Variants in ZMYM6 observed in about 807,000 individuals in gnomAD.
ZMYM6 encodes the protein zinc finger MYM-type containing 6, also known as zinc finger MYM-type protein 6.
Under a neutral mutation model 134.0 loss-of-function variants are expected in ZMYM6, and 90 were observed. The ratio of observed to expected loss-of-function variants is 0.67; its 90% CI spans 0.57 to 0.80. The LOEUF is 0.80. Among genes scored for constraint, ZMYM6 ranks in the 30% least tolerant of loss-of-function variants. ZMYM6 has a pLI of 0.00. For missense variants in ZMYM6, 1,362 were observed against 1,533.9 expected (o/e 0.89, Z 1.87); for synonymous variants, 481 against 524.1 (o/e 0.92, Z 1.12).
chr1:34,992,268 G>C lies in ZMYM6; in HGVS notation c.2112C>G (p.Cys704Trp), dbSNP rs760737166. 6.2e-7 allele frequency: 1 copy of C among 1,614,078 alleles called. No individual in the cohort carries two copies. Among genetic ancestry groups the C allele is most frequent in the South Asian group, 1.1e-5 (1 of 91,076 alleles). The change falls in exon 15 of 16, where the codon TGC becomes TGG. Residue 704 changes from cysteine (C) to tryptophan (W), a missense_variant. Cys to Trp is a radical substitution (Grantham distance 215). Coordinates refer to ENST00000357182, the MANE Select transcript of ZMYM6 (RefSeq NM_007167.4). ...KPVTQTKATS[C>W]KPHTQHKECQ... ...ATTCTTTGTGCTGTGTATGTGGTTT[G>C]CAAGAAGTGGCCTTGGTCTGTGTGA... is the stretch of plus-strand genomic sequence containing the variant.
chr1:35,006,637 A>G (rs1276475600), intron 12 of ZMYM6, among the ~76,000 whole-genome samples: 3 of 152,196 alleles, frequency 2.0e-5, no homozygotes, highest in Admixed American at 1.3e-4. Flanking sequence ...TATTAACTAA[A>G]TAGTATATAT....
At chr1:35,026,842 G>A (rs1641423143) in intron 2 of ZMYM6, among the ~76,000 whole-genome samples, 1 of 152,090 alleles carries the variant, frequency 6.6e-6, no homozygotes, top group Admixed American at 6.5e-5. Flanking sequence ...TCCTGTGCTA[G>A]GAATTGGAGA....
intron 2 of ZMYM6, among the ~76,000 whole-genome samples, chr1:35,024,698 C>T (rs1056255164): frequency 5.3e-5 from 8 of 152,078 alleles, no homozygotes; most frequent in Non-Finnish European, 1.0e-4. Context: ...CATGACGTGG[C>T]TATTTTCTCT....
rs1050448568 is a variant in ZMYM6 at position 34,987,940 on chromosome 1, G to A, written c.3142C>T (p.Arg1048Cys). The A allele has an allele frequency of 2.3e-5, 35 of 1,551,488 alleles. No individual in the cohort carries two copies. The highest frequency in any genetic ancestry group is 3.0e-5 in the Non-Finnish European group (34 of 1,146,978). Residue 1048 changes from arginine (R) to cysteine (C), a missense_variant, in exon 16 of 16, where the codon CGT (arginine) becomes TGT (cysteine). Physicochemically the swap from Arg to Cys is radical, Grantham distance 180 (BLOSUM62 -3). Transcript: ENST00000357182. The part of the protein sequence containing the change: ...SFIKSNALNS[R>C]MLTILCEEMG... Reference sequence around the variant, plus strand: ...TCTTCACACAAAATTGTTAACATACGTGAATTTAATGCATTGCTCTTTATA... The same window carrying A: ...TCTTCACACAAAATTGTTAACATACATGAATTTAATGCATTGCTCTTTATA...
At chr1:34,998,344 T>C (rs564034356) in intron 14 of ZMYM6, among the ~76,000 whole-genome samples, 1 of 152,212 alleles carries the variant, frequency 6.6e-6, no homozygotes, top group Non-Finnish European at 1.5e-5. Context: ...CGTGCACCAG[T>C]ACCAATTGTT....
At chr1:35,017,494 T>C (rs1326758377) in intron 4 of ZMYM6, 1 of 150,810 alleles carries the variant, frequency 6.6e-6, no homozygotes, top group East Asian at 1.9e-4. Flanking sequence ...AATGAAAATC[T>C]GTGCACATAA....
In ZMYM6 at chr1:34,988,929, G is replaced by C; in HGVS notation, c.2153C>G (p.Pro718Arg). The change falls in exon 16 of 16, where the codon CCT becomes CGT. Residue 718 changes from proline to arginine, a missense_variant. Physicochemically the swap from Pro to Arg is moderately radical, Grantham distance 103. This residue lies in a region of ZMYM6 where 824 missense variants were observed against 940.9 expected (regional missense o/e 0.88). Transcript: ENST00000357182. Reference sequence around the variant, plus strand: ...TGCATCATTTTTTTCATTAGGCATAGGTAAATCTGAATGAAATATTTGAAT... The same window carrying C: ...TGCATCATTTTTTTCATTAGGCATACGTAAATCTGAATGAAATATTTGAAT... The part of the protein sequence containing the change: ...TQHKECQTDL[P>R]MPNEKNDAEL... 1 of 1,606,072 alleles carries C rather than the reference G, an allele frequency of 6.2e-7. No individual in the cohort carries two copies. The highest frequency in any genetic ancestry group is 1.1e-5 in the South Asian group (1 of 88,586).
At chr1:35,005,104 A>G in intron 13 of ZMYM6, 28 bp downstream of exon 13, 1 of 1,612,922 alleles carries the variant, frequency 6.2e-7, no homozygotes. Flanking sequence ...TCTATGGCTT[A>G]GCCAAATGCC....
At chr1:35,009,050 G>A (rs947395437) in intron 10 of ZMYM6, 126 bp from the exon 11 acceptor site, 1 of 971,368 alleles carries the variant, frequency 1.0e-6, no homozygotes, top group Non-Finnish European at 1.5e-6. Flanking sequence ...TTTGCCTCTA[G>A]ATTACAGGAC....
chr1:35,009,223 T>C (rs7550024), intron 10 of ZMYM6, among the ~76,000 whole-genome samples: 32,777 of 152,114 alleles, frequency 0.22, 8,408 homozygotes, highest in African/African-American at 0.61. Flanking sequence ...CTCAGCCTCC[T>C]GAGTAGAGCA....
Position 35,010,507 on chromosome 1 carries a change from G to A in ZMYM6, c.1432C>T (p.Gln478Ter), listed in dbSNP as rs1378537565. 1 of 1,613,956 alleles carries A rather than the reference G, an allele frequency of 6.2e-7. No homozygotes were observed. Among genetic ancestry groups the A allele is most frequent in the Non-Finnish European group, 8.5e-7 (1 of 1,180,002 alleles). Reference sequence around the variant, plus strand: ...CGCACAGTCTCCTTTATAATTTTCTGCAGTTTACAGTAGTCACACATTGCC... The same window carrying A: ...CGCACAGTCTCCTTTATAATTTTCTACAGTTTACAGTAGTCACACATTGCC... Reference protein sequence around the residue: ...VVAMCDYCKLQKIIKETVRFS... With the variant: ...VVAMCDYCKL The change falls in exon 10 of 16, where the codon CAG (glutamine) becomes TAG (stop). Residue 478 changes from glutamine (Q) to a stop codon, truncating the protein, a stop_gained. Coordinates refer to ENST00000357182, the MANE Select transcript of ZMYM6 (RefSeq NM_007167.4). LOFTEE classifies it high-confidence loss of function.
chr1:34,992,055 G>C (rs12078105), intron 15 of ZMYM6, 179 bp downstream of exon 15: 82,294 of 770,338 alleles, frequency 0.11, 15,035 homozygotes, highest in African/African-American at 0.61. Context: ...TATGATAGCT[G>C]GTTATTAGTG....
intron 6 of ZMYM6, chr1:35,013,520 G>GT (rs1641126708): frequency 1.0e-6 from 1 of 985,242 alleles, no homozygotes; most frequent in Non-Finnish European, 1.2e-6. Flanking sequence ...TTCTTTTCCT[G>GT]TGAAAGTAGA....
rs1178030649 is a variant in ZMYM6, at chr1:35,012,451, A to C, written c.926T>G (p.Val309Gly). The C allele has an allele frequency of 1.3e-6, 2 of 1,593,622 alleles. No homozygotes were observed. Among genetic ancestry groups the C allele is most frequent in the Non-Finnish European group, 1.7e-6 (2 of 1,173,214 alleles). ...CSINCLSAYR[V>G]KTVTSSGVQV... The stretch of plus-strand genomic sequence containing the variant: ...ATTACCTGAAGAAGTAACAGTCTTA[A>C]CTCTGTAAGCAGATAAGCAATTAAT... Residue 309 changes from valine to glycine, a missense_variant, in exon 7 of 16, where the codon GTT becomes GGT. Physicochemically the swap from Val to Gly is moderately radical, Grantham distance 109. Transcript: ENST00000357182.
At chr1:35,010,418 C>G in intron 10 of ZMYM6, 29 bp downstream of exon 10, 1 of 1,594,632 alleles carries the variant, frequency 6.3e-7, no homozygotes, top group Middle Eastern at 1.7e-4. Flanking sequence ...ACAACCCATG[C>G]TCTGTGAATA....
rs773830471 is a variant in ZMYM6, at chr1:35,010,869, T to G, written c.1230A>C (p.Gln410His). ...SIRGSAAASL[Q>H]PLAEQSQQVA... ...CTTGCTGGGATTGTTCAGCAAGAGGTTGGAGGCTGGCTGCAGCAGAGCCAC... is the reference window on the plus strand; with the variant it reads ...CTTGCTGGGATTGTTCAGCAAGAGGGTGGAGGCTGGCTGCAGCAGAGCCAC... The change falls in exon 9 of 16, where the codon CAA (glutamine) becomes CAC (histidine). Residue 410 changes from glutamine to histidine, a missense_variant. By Grantham distance (24) the Gln-to-His change is conservative (BLOSUM62 0). This residue lies in a region of ZMYM6 where 503 missense variants were observed against 520.8 expected (regional missense o/e 0.97). Transcript: ENST00000357182. The G allele has an allele frequency of 1.2e-5, 20 of 1,613,786 alleles. No homozygotes were observed. Among genetic ancestry groups the G allele is most frequent in the Admixed American group, 3.3e-5 (2 of 59,938 alleles).
In ZMYM6 at chr1:34,987,082, C is replaced by T. The variant is rs776040262; in HGVS notation, c.*22G>A. The T allele has an allele frequency of 5.5e-6, 8 of 1,455,378 alleles. No homozygotes were observed. The highest frequency in any genetic ancestry group is 4.9e-5 in the Admixed American group (2 of 40,780). 90.2% of individuals were successfully genotyped at this position (1,455,378 alleles called of 1,614,324 possible). ...ACTTAACACAGGATTATTGACTTCA[C>T]TGTTAAGCAATGTGCATATTGCTAC... On this transcript the variant is annotated 3_prime_UTR_variant, in exon 16 of 16. Transcript: ENST00000357182.
At chr1:35,012,715 C>T (rs1008853097) in intron 6 of ZMYM6, 134 bp from the exon 7 acceptor site, 23 of 1,432,782 alleles carry the variant, frequency 1.6e-5, no homozygotes, top group Non-Finnish European at 2.1e-5. Context: ...TGAAACCACA[C>T]TATTGGGAGG....
In ZMYM6 at chr1:34,988,497, G is replaced by A. The variant is rs1046581716; in HGVS notation, c.2585C>T (p.Ser862Leu). The change falls in exon 16 of 16, where the codon TCA becomes TTA. Residue 862 changes from serine (S) to leucine (L), a missense_variant. Coordinates refer to ENST00000357182, the MANE Select transcript of ZMYM6 (RefSeq NM_007167.4). Reference sequence around the variant, plus strand: ...TCCAGCACTTGAACCCAAAACTTCTGAACACATTTCTACTAAATATGGTTT... The same window carrying A: ...TCCAGCACTTGAACCCAAAACTTCTAAACACATTTCTACTAAATATGGTTT... ...LIKPYLVEMCSEVLGSSAGDK... is the reference protein window; with the variant it reads ...LIKPYLVEMCLEVLGSSAGDK... The A allele has an allele frequency of 1.9e-6, 3 of 1,550,754 alleles. No homozygotes were observed. The African/African-American group carries it at 4.1e-5, about 21-fold the overall frequency.
Sources: allele counts gnomAD v4.1 joint callset (sites outside exome capture counted in the v4.1 genomes callset), GRCh38; gene constraint gnomAD v4.1.1; regional missense constraint gnomAD v4.1.1; transcripts MANE v1.5; gene names NCBI Gene and HGNC (gene_info 2026-07-23, HGNC 2026-07-21).